Variants in CYYR1 observed in about 807,000 individuals in gnomAD.
CYYR1 encodes the protein cysteine and tyrosine-rich protein 1.
CYYR1 carries 14 observed loss-of-function variants against 15.2 expected under a neutral mutation model. The observed-to-expected ratio is 0.92, with a 90% CI of 0.61 to 1.44. The LOEUF is 1.44. Among genes scored for constraint, CYYR1 ranks in the 40% most tolerant of loss-of-function variants. The probability of loss-of-function intolerance (pLI) is 0.00; values close to 1 mark genes in which losing one functional copy is unlikely to be tolerated. For missense variants in CYYR1, 228 were observed against 209.5 expected, an observed-to-expected ratio of 1.09 and a Z score of -0.54; for synonymous variants, 80 against 77.4, an observed-to-expected ratio of 1.03 and a Z score of -0.18.
At chr21:26,536,178 G>A (rs1332069710) in intron 2 of CYYR1, among the ~76,000 whole-genome samples, 2 of 152,022 alleles carry the variant, frequency 1.3e-5, no homozygotes, top group Admixed American at 6.6e-5. Flanking sequence ...GAAAAGCAAG[G>A]GCAAAGTCCA....
chr21:26,553,791 TA>T (rs1490904807), intron 2 of CYYR1, among the ~76,000 whole-genome samples: 4 of 152,146 alleles, frequency 2.6e-5, no homozygotes, highest in African/African-American at 9.6e-5. Flanking sequence ...CCCAACTAAA[TA>T]TAATGAGACA....
chr21:26,523,172 T>G (rs1364400606), intron 2 of CYYR1, among the ~76,000 whole-genome samples: 1 of 152,230 alleles, frequency 6.6e-6, no homozygotes, highest in Non-Finnish European at 1.5e-5. Context: ...TTCTGGCCTC[T>G]TTTCTAGAAG....
At chr21:26,544,695 A>C (rs191823264) in intron 2 of CYYR1, among the ~76,000 whole-genome samples, 194 of 152,338 alleles carry the variant, frequency 1.3e-3, no homozygotes, top group African/African-American at 4.3e-3. Context: ...AAAATTATTA[A>C]ACATTATTTA....
chr21:26,510,419 G>A (rs1245466638), intron 2 of CYYR1, among the ~76,000 whole-genome samples: 2 of 152,212 alleles, frequency 1.3e-5, no homozygotes, highest in African/African-American at 4.8e-5. Flanking sequence ...TATTTTGTAT[G>A]TATGGAGCAT....
At chr21:26,570,510 G>A (rs1222911303) in intron 1 of CYYR1, among the ~76,000 whole-genome samples, 2 of 152,188 alleles carry the variant, frequency 1.3e-5, no homozygotes, top group Non-Finnish European at 1.5e-5. Context: ...AGCCTGCAGT[G>A]GGAGTCAGAC....
intron 2 of CYYR1, among the ~76,000 whole-genome samples, chr21:26,528,632 A>T (rs1300679140): frequency 6.6e-6 from 1 of 152,138 alleles, no homozygotes; most frequent in Non-Finnish European, 1.5e-5. Context: ...TTCCTTCATA[A>T]ATTACCCTTC....
chr21:26,554,035 T>C (rs1181049460), intron 2 of CYYR1, among the ~76,000 whole-genome samples: 1 of 152,224 alleles, frequency 6.6e-6, no homozygotes, highest in Non-Finnish European at 1.5e-5. Flanking sequence ...CACAATATCA[T>C]CGGAGGCAAG....
At chr21:26,546,917 G>A (rs1979015215) in intron 2 of CYYR1, among the ~76,000 whole-genome samples, 1 of 152,126 alleles carries the variant, frequency 6.6e-6, no homozygotes, top group Non-Finnish European at 1.5e-5. Context: ...CATTTAAAAG[G>A]CACAAAAACA....
At chr21:26,509,585 T>G (rs1262518019) in intron 2 of CYYR1, among the ~76,000 whole-genome samples, 1 of 152,226 alleles carries the variant, frequency 6.6e-6, no homozygotes. Context: ...CCCTCAGATC[T>G]CAGTGGCTTT....
intron 3 of CYYR1, chr21:26,477,727 C>G: frequency 1.0e-6 from 1 of 984,436 alleles, no homozygotes; most frequent in African/African-American, 1.7e-5. Context: ...ATCTGCAAAG[C>G]AATTCTTCAT....
At chr21:26,538,987 CAAT>C (rs1292533624) in intron 2 of CYYR1, among the ~76,000 whole-genome samples, 1 of 151,966 alleles carries the variant, frequency 6.6e-6, no homozygotes, top group African/African-American at 2.4e-5. Context: ...AATTTTGAAA[CAAT>C]GATGAGTGAA....
chr21:26,556,307 A>C, intron 2 of CYYR1, among the ~76,000 whole-genome samples: 1 of 152,208 alleles, frequency 6.6e-6, no homozygotes, highest in East Asian at 1.9e-4. Flanking sequence ...GTGTTTAAAT[A>C]ATCTATTCTG....
chr21:26,528,642 C>T (rs2065894277), intron 2 of CYYR1, among the ~76,000 whole-genome samples: 1 of 152,128 alleles, frequency 6.6e-6, no homozygotes, highest in African/African-American at 2.4e-5. Context: ...AATTACCCTT[C>T]CTCAAGTCTT....
chr21:26,537,865 C>T (rs565988479), intron 2 of CYYR1, among the ~76,000 whole-genome samples: 1 of 152,254 alleles, frequency 6.6e-6, no homozygotes, highest in South Asian at 2.1e-4. Flanking sequence ...CCTTATCCCT[C>T]TTCCACCATG....
At chr21:26,539,719 C>T (rs1978412036) in intron 2 of CYYR1, among the ~76,000 whole-genome samples, 1 of 152,106 alleles carries the variant, frequency 6.6e-6, no homozygotes, top group African/African-American at 2.4e-5. Context: ...AACTATTTCC[C>T]AGATTTCAAA....
At chr21:26,472,198 A>G (rs1017950035) in intron 3 of CYYR1, among the ~76,000 whole-genome samples, 11 of 152,166 alleles carry the variant, frequency 7.2e-5, no homozygotes, top group African/African-American at 2.7e-4. Context: ...AAGTCTTTTC[A>G]TTCTGCTGCA....
intron 2 of CYYR1, among the ~76,000 whole-genome samples, chr21:26,531,413 T>A (rs12627527): frequency 0.094 from 14,324 of 152,194 alleles, 821 homozygotes; most frequent in African/African-American, 0.16. Context: ...CAAACTATAA[T>A]CCCCACGTGT....
At chr21:26,512,372 T>A (rs1214165555) in intron 2 of CYYR1, among the ~76,000 whole-genome samples, 1 of 151,986 alleles carries the variant, frequency 6.6e-6, no homozygotes, top group Non-Finnish European at 1.5e-5. Context: ...CTAATTTTTT[T>A]TTGTATTTTT....
intron 3 of CYYR1, among the ~76,000 whole-genome samples, chr21:26,473,136 T>G: frequency 6.6e-6 from 1 of 152,100 alleles, no homozygotes; most frequent in East Asian, 1.9e-4. Flanking sequence ...ATACCTCAAT[T>G]TAATTATTAC....
Sources: gnomAD v4.1 joint callset for allele counts (sites outside exome capture counted in the v4.1 genomes callset) on GRCh38, gnomAD v4.1.1 for gene constraint, MANE v1.5 for transcripts, NCBI Gene and HGNC (gene_info 2026-07-23, HGNC 2026-07-21) for gene names.